The following CAAP1 variants were observed in gnomAD, a reference collection of about 807,000 sequenced individuals.
CAAP1 encodes caspase activity and apoptosis inhibitor 1.
Under a neutral mutation model 34.0 loss-of-function variants are expected in CAAP1, and 20 were observed. The ratio of observed to expected loss-of-function variants is 0.59; its 90% confidence interval spans 0.41 to 0.86. CAAP1 has a LOEUF of 0.86. Ranked by LOEUF, CAAP1 falls within the 40% of genes least tolerant of loss-of-function variation. The pLI, the probability that CAAP1 is intolerant of heterozygous loss-of-function variation, is 0.00. For synonymous variants in CAAP1, 213 were observed against 166.7 expected (o/e 1.28, Z -2.14); for missense variants, 538 against 450.5 (o/e 1.19, Z -1.76).
rs145299717 is a variant in CAAP1 at position 26,872,553 on chromosome 9, A to AATATATATATATATATATATATATATAT, written c.666-11415_666-11414insATATATATATATATATATATATATATAT. On this transcript the variant is annotated intron_variant, in intron 4 of 5. Coordinates refer to ENST00000333916, the MANE Select transcript of CAAP1 (RefSeq NM_024828.4). ...TAAATAGACAGATAGATATACATAT[A>AATATATATATATATATATATATATATAT]ATATATATATATATATATATTTAGA... 8.7e-4 allele frequency among the ~76,000 whole-genome samples: 124 copies of AATATATATATATATATATATATATATAT among 142,514 alleles called. 1 individual carries two copies. Among genetic ancestry groups the AATATATATATATATATATATATATATAT allele is most frequent in the African/African-American group, 3.2e-3 (118 of 36,904 alleles). The allele number at this position is 142,514 out of a possible 152,430, so 93.5% of individuals were successfully genotyped here.
At chr9:26,890,256 A>G (rs1256668186) in intron 1 of CAAP1, among the ~76,000 whole-genome samples, 1 of 151,984 alleles carries the variant, frequency 6.6e-6, no homozygotes, top group African/African-American at 2.4e-5. Flanking sequence ...CTGTAATCCC[A>G]GCTACTCAGG....
intron 4 of CAAP1, among the ~76,000 whole-genome samples, chr9:26,867,453 C>G (rs1360188788): frequency 6.6e-6 from 1 of 152,030 alleles, no homozygotes; most frequent in African/African-American, 2.4e-5. Context: ...CACCATCCCA[C>G]CTATTCATAT....
intron 4 of CAAP1, among the ~76,000 whole-genome samples, chr9:26,868,256 G>A (rs1823186433): frequency 6.6e-6 from 1 of 152,126 alleles, no homozygotes; most frequent in Non-Finnish European, 1.5e-5. Context: ...GAAATGGGGA[G>A]ATTATCTTGC....
At chr9:26,875,382 T>C (rs1203426297) in intron 4 of CAAP1, among the ~76,000 whole-genome samples, 2 of 152,130 alleles carry the variant, frequency 1.3e-5, no homozygotes, top group East Asian at 3.9e-4. Flanking sequence ...TGAGACCCTG[T>C]CTCAAAATTG....
intron 4 of CAAP1, among the ~76,000 whole-genome samples, chr9:26,870,824 CT>C (rs1181256158): frequency 6.6e-6 from 1 of 151,892 alleles, no homozygotes; most frequent in Admixed American, 6.6e-5. Context: ...ACCATGTTAG[CT>C]GGGGTGGTCT....
At chr9:26,854,132 G>GA (rs143913602) in intron 5 of CAAP1, among the ~76,000 whole-genome samples, 5,576 of 152,254 alleles carry the variant, frequency 0.037, 168 homozygotes, top group South Asian at 0.1. Context: ...TGATGAGACA[G>GA]AAAACAACAA....
At position 26,842,423 on chromosome 9, in the gene CAAP1, C is replaced by A; in HGVS notation, c.964G>T (p.Ala322Ser). 2.5e-6 allele frequency: 4 copies of A among 1,614,172 alleles called. No individual in the cohort carries two copies. Among genetic ancestry groups the A allele is most frequent in the Non-Finnish European group, 3.4e-6 (4 of 1,180,022 alleles). ...SPNEPKAATL[A>S]VPPPEDVQPS... is the part of the protein sequence containing the mutation. ...TGAACATCTTCTGGTGGAGGAACAG[C>A]CAGGGTGGCTGCTTTGGGTTCGTTT... The change falls in exon 6 of 6, where the codon GCT (alanine) becomes TCT (serine). Residue 322 changes from alanine to serine, a missense_variant. Transcript: ENST00000333916.
chr9:26,876,207 C>G (rs1440803475), intron 4 of CAAP1, among the ~76,000 whole-genome samples: 2 of 152,146 alleles, frequency 1.3e-5, no homozygotes, highest in African/African-American at 2.4e-5. Context: ...CTCCATCTTC[C>G]AAGCACATCA....
intron 5 of CAAP1, among the ~76,000 whole-genome samples, chr9:26,845,996 T>C (rs561151539): frequency 6.6e-6 from 1 of 152,298 alleles, no homozygotes; most frequent in African/African-American, 2.4e-5. Context: ...TGCTTGGATA[T>C]ATGGCCGTGA....
chr9:26,843,102 A>C (rs1363734805), intron 5 of CAAP1, among the ~76,000 whole-genome samples: 2 of 152,242 alleles, frequency 1.3e-5, no homozygotes, highest in Non-Finnish European at 2.9e-5. Context: ...AAGTATCATC[A>C]GCAAGCAGGA....
intron 4 of CAAP1, among the ~76,000 whole-genome samples, chr9:26,863,945 T>C (rs753314968): frequency 2.6e-5 from 4 of 152,056 alleles, no homozygotes; most frequent in Admixed American, 1.3e-4. Context: ...ATGTACACCA[T>C]CATGCCCGGC....
intron 5 of CAAP1, among the ~76,000 whole-genome samples, chr9:26,854,148 A>C (rs954302546): frequency 1.1e-4 from 16 of 152,356 alleles, no homozygotes; most frequent in African/African-American, 3.4e-4. Flanking sequence ...AACAATGATA[A>C]CAGAAATAAT....
At chr9:26,887,584 T>C (rs1823778967) in intron 1 of CAAP1, 71 bp from the exon 2 acceptor site, 3 of 858,666 alleles carry the variant, frequency 3.5e-6, no homozygotes, top group South Asian at 2.1e-5. Context: ...CATGACATCA[T>C]ACGTTTTCAT....
intron 5 of CAAP1, among the ~76,000 whole-genome samples, chr9:26,857,041 A>T (rs900429745): frequency 6.6e-6 from 1 of 152,262 alleles, no homozygotes; most frequent in African/African-American, 2.4e-5. Context: ...ACATTAGCAG[A>T]TACTTGATAT....
intron 5 of CAAP1, among the ~76,000 whole-genome samples, chr9:26,857,540 G>A (rs1249699345): frequency 2.0e-5 from 3 of 152,270 alleles, no homozygotes; most frequent in Non-Finnish European, 4.4e-5. Context: ...GCTGAGGCAG[G>A]AGAATTGCTT....
intron 2 of CAAP1, among the ~76,000 whole-genome samples, chr9:26,886,754 C>A (rs922618977): frequency 3.9e-5 from 6 of 152,154 alleles, no homozygotes; most frequent in African/African-American, 1.4e-4. Flanking sequence ...TACTATCATT[C>A]CCTGCATTTA....
chr9:26,859,974 A>G (rs1822967520), intron 5 of CAAP1, among the ~76,000 whole-genome samples: 1 of 152,232 alleles, frequency 6.6e-6, no homozygotes, highest in African/African-American at 2.4e-5. Flanking sequence ...AGCAGTAATA[A>G]AAGACCAGTT....
At chr9:26,892,149 A>T in intron 1 of CAAP1, 1 of 852,466 alleles carries the variant, frequency 1.2e-6, no homozygotes, top group Non-Finnish European at 1.7e-6. Context: ...GTGAAACCAT[A>T]GGAGTGGAAG....
chr9:26,878,194 A>G (rs980963046), intron 4 of CAAP1, among the ~76,000 whole-genome samples: 3 of 152,182 alleles, frequency 2.0e-5, no homozygotes, highest in African/African-American at 7.2e-5. Flanking sequence ...TTGATTTTTT[A>G]TAAGAGCTCA....
Sources: gnomAD v4.1 joint callset for allele counts (sites outside exome capture counted in the v4.1 genomes callset) on GRCh38, gnomAD v4.1.1 for gene constraint, MANE v1.5 for transcripts, NCBI Gene and HGNC (gene_info 2026-07-23, HGNC 2026-07-21) for gene names.